INSL6: variants seen among roughly 807,000 people sequenced by gnomAD.
The protein encoded by INSL6 is insulin-like peptide INSL6.
INSL6 carries 16 observed loss-of-function variants against 9.4 expected under a neutral mutation model. The ratio of observed to expected loss-of-function variants is 1.70; its 90% CI spans 1.15 to 2.59. INSL6 has a LOEUF of 2.59. INSL6 is among the 30% of genes most tolerant of loss of function. INSL6 has a pLI of 0.00. For synonymous variants in INSL6, 154 were observed against 96.9 expected (o/e 1.59, Z -3.46); for missense variants, 391 against 257.3 (o/e 1.52, Z -3.56).
chr9:5,164,336 C>A, intron 1 of INSL6, 71 bp from the exon 2 acceptor site: 1 of 909,574 alleles, frequency 1.1e-6, no homozygotes, highest in Non-Finnish European at 1.7e-6. Context: ...AATATTGGAA[C>A]AGTAAAATCA....
chr9:5,000,692 A>G, the INSL6 span, among the ~76,000 whole-genome samples: 1 of 152,134 alleles, frequency 6.6e-6, no homozygotes, highest in Non-Finnish European at 1.5e-5. Context: ...AGGTTTTAAT[A>G]CGTCTGTAAT....
At chr9:5,035,054 CA>C in the INSL6 span, among the ~76,000 whole-genome samples, 1 of 152,246 alleles carries the variant, frequency 6.6e-6, no homozygotes, top group African/African-American at 2.4e-5. Flanking sequence ...AAGGGGATAT[CA>C]ACCCGATCCC....
the INSL6 span, chr9:5,112,011 C>G: frequency 2.5e-6 from 1 of 396,374 alleles, no homozygotes; most frequent in African/African-American, 2.1e-5. Context: ...GTCGCACTAG[C>G]CTGGAGCAGG....
chr9:5,048,159 T>A, the INSL6 span, among the ~76,000 whole-genome samples: 1 of 152,262 alleles, frequency 6.6e-6, no homozygotes, highest in Non-Finnish European at 1.5e-5. Flanking sequence ...TCTTTTTTTT[T>A]GAGATGGAGT....
chr9:5,062,067 C>G, the INSL6 span, among the ~76,000 whole-genome samples: 1 of 152,030 alleles, frequency 6.6e-6, no homozygotes, highest in African/African-American at 2.4e-5. Flanking sequence ...TGTGGTGCCC[C>G]AAAACAATTA....
chr9:5,001,151 A>T, the INSL6 span, among the ~76,000 whole-genome samples: 4 of 152,184 alleles, frequency 2.6e-5, no homozygotes, highest in Non-Finnish European at 5.9e-5. Context: ...GCAAATAAAA[A>T]GTTTTATTTC....
At chr9:5,109,894 G>C in the INSL6 span, 1 of 152,156 alleles carries the variant, frequency 6.6e-6, no homozygotes, top group Non-Finnish European at 1.5e-5. Flanking sequence ...TTTATCGGAT[G>C]AGAAGGTATA....
chr9:5,017,984 A>G, the INSL6 span, among the ~76,000 whole-genome samples: 1 of 152,202 alleles, frequency 6.6e-6, no homozygotes, highest in East Asian at 1.9e-4. Context: ...GTCTATGTGT[A>G]TCTTTAAAGG....
the INSL6 span, chr9:5,096,564 A>T: frequency 6.6e-6 from 1 of 152,226 alleles, no homozygotes; most frequent in Non-Finnish European, 1.5e-5. Flanking sequence ...TTTGCAATTC[A>T]ACATAAAAAA....
At chr9:5,007,672 C>A in the INSL6 span, among the ~76,000 whole-genome samples, 1 of 151,452 alleles carries the variant, frequency 6.6e-6, no homozygotes, top group Non-Finnish European at 1.5e-5. Flanking sequence ...GCAAAAACCA[C>A]AATTACTTTT....
chr9:5,058,257 A>C, the INSL6 span, among the ~76,000 whole-genome samples: 301 of 152,292 alleles, frequency 2.0e-3, 1 homozygote, highest in Non-Finnish European at 3.3e-3. Context: ...GGACTGGATA[A>C]TTTATTTAAA....
the INSL6 span, chr9:5,090,667 T>A: frequency 6.6e-7 from 1 of 1,518,248 alleles, no homozygotes; most frequent in South Asian, 1.3e-5. Flanking sequence ...ATAAAGGGAA[T>A]ATATAGGGTT....
chr9:5,069,001 T>C, the INSL6 span: 1 of 1,432,248 alleles, frequency 7.0e-7, no homozygotes, highest in South Asian at 1.3e-5. Flanking sequence ...CCTCCCTTTC[T>C]TTATAATTAA....
At chr9:5,100,791 T>C in the INSL6 span, 2 of 152,394 alleles carry the variant, frequency 1.3e-5, no homozygotes, top group African/African-American at 4.8e-5. Flanking sequence ...AGGCCCCTTT[T>C]ACTATCTCTG....
chr9:5,122,366 T>C (rs1357798685), downstream of INSL6, among the ~76,000 whole-genome samples: 16 of 152,122 alleles, frequency 1.1e-4, no homozygotes, highest in African/African-American at 2.4e-5. Context: ...ACCCCTCTTC[T>C]GGTTAACAGG....
At chr9:5,008,655 G>C in the INSL6 span, among the ~76,000 whole-genome samples, 1 of 152,178 alleles carries the variant, frequency 6.6e-6, no homozygotes, top group Non-Finnish European at 1.5e-5. Context: ...AACTCTTTTA[G>C]AGTTTCTTTG....
At chr9:5,035,596 C>T in the INSL6 span, among the ~76,000 whole-genome samples, 102 of 152,276 alleles carry the variant, frequency 6.7e-4, no homozygotes, top group Admixed American at 1.1e-3. Flanking sequence ...AATCAATAAA[C>T]GTAATCCAGC....
At chr9:4,994,988 G>T in the INSL6 span, among the ~76,000 whole-genome samples, 1 of 152,024 alleles carries the variant, frequency 6.6e-6, no homozygotes, top group South Asian at 2.1e-4. Context: ...TAGAAGAGGA[G>T]TTGCTGATTC....
intron 1 of INSL6, among the ~76,000 whole-genome samples, chr9:5,184,711 C>G (rs1050178153): frequency 6.6e-6 from 1 of 152,172 alleles, no homozygotes; most frequent in African/African-American, 2.4e-5. Context: ...GAATGAAATA[C>G]AAGTACGTAA....
Sources: gnomAD v4.1 joint callset for allele counts (sites outside exome capture counted in the v4.1 genomes callset) on GRCh38, gnomAD v4.1.1 for gene constraint, MANE v1.5 for transcripts, NCBI Gene and HGNC (gene_info 2026-07-23, HGNC 2026-07-21) for gene names.